The following RABIF variants were observed in gnomAD, a reference collection of about 807,000 sequenced individuals.
The protein encoded by RABIF is guanine nucleotide exchange factor MSS4.
A neutral mutation model predicts 12.3 loss-of-function variants in RABIF; 13 were observed. That is an observed-to-expected ratio of 1.06 (90% CI 0.69 to 1.68). The LOEUF is 1.68. Ranked by LOEUF, RABIF falls within the 40% of genes most tolerant of loss-of-function variation. The probability of loss-of-function intolerance (pLI) is 0.00; values close to 1 mark genes in which losing one functional copy is unlikely to be tolerated. For synonymous variants in RABIF, 70 were observed against 63.3 expected (o/e 1.11, Z -0.50); for missense variants, 153 against 158.0 (o/e 0.97, Z 0.17).
chr1:202,884,781 G>A (rs975283112), intron 1 of RABIF, among the ~76,000 whole-genome samples: 1 of 152,012 alleles, frequency 6.6e-6, no homozygotes, highest in Admixed American at 6.6e-5. Flanking sequence ...CTAAATTCCT[G>A]AGCAAAATAC....
chr1:202,884,192 A>G (rs754847845), intron 1 of RABIF, among the ~76,000 whole-genome samples: 2 of 152,226 alleles, frequency 1.3e-5, no homozygotes, highest in Non-Finnish European at 2.9e-5. Flanking sequence ...CTCTGCTGAT[A>G]TACTACTAAC....
chr1:202,887,024 G>GTTTTTT (rs61356068), intron 1 of RABIF, among the ~76,000 whole-genome samples: 1 of 90,692 alleles, frequency 1.1e-5, no homozygotes, highest in African/African-American at 4.0e-5. Context: ...TGTGGGCTAT[G>GTTTTTT]TTTTGTTTTT....
At chr1:202,888,729 G>A (rs1034802091) in intron 1 of RABIF, among the ~76,000 whole-genome samples, 2 of 152,176 alleles carry the variant, frequency 1.3e-5, no homozygotes, top group Admixed American at 6.5e-5. Context: ...CGGGCTGGCT[G>A]GGCCGGGTGG....
chr1:202,886,064 A>C (rs1463709349), intron 1 of RABIF, among the ~76,000 whole-genome samples: 1 of 151,988 alleles, frequency 6.6e-6, no homozygotes, highest in Non-Finnish European at 1.5e-5. Context: ...TTTCTAGAAT[A>C]GGGACCACTG....
chr1:202,883,752 A>C (rs1041885850), intron 1 of RABIF, among the ~76,000 whole-genome samples: 9 of 152,156 alleles, frequency 5.9e-5, no homozygotes, highest in Non-Finnish European at 4.4e-5. Context: ...CTCTCCTTTG[A>C]TTTGTGATTT....
intron 1 of RABIF, 21 bp downstream of exon 1, chr1:202,888,952 G>C (rs553989520): frequency 6.5e-7 from 1 of 1,530,308 alleles, no homozygotes; most frequent in African/African-American, 1.4e-5. Flanking sequence ...GGTGTAAACG[G>C]CCTCCAACCT....
rs116296554 is a variant in RABIF at position 202,881,360 on chromosome 1, C to T, written c.127-137G>A. 1.9e-3 allele frequency: 2,422 copies of T among 1,284,480 alleles called. 40 individuals carry two copies. In the African/African-American group the frequency reaches 0.033, roughly 17 times the overall value. 79.6% of individuals were successfully genotyped at this position (1,284,480 alleles called of 1,614,324 possible). A position where few individuals can be genotyped will look rare whatever the true frequency, so the allele number is the denominator to read the frequency against. On this transcript the variant is annotated intron_variant, in intron 1 of 1. Coordinates refer to ENST00000367262, the MANE Select transcript of RABIF (RefSeq NM_002871.5). ...AGAAGCCCTCTCATTAAGCTGTAGA[C>T]GATGATGCTGGGTGGCTCTTCTTTG...
At position 202,880,750 on chromosome 1, in the gene RABIF, A is replaced by G; in HGVS notation, c.*228T>C. 4.7e-6 allele frequency: 6 copies of G among 1,279,942 alleles called. No individual in the cohort carries two copies. Among genetic ancestry groups the G allele is most frequent in the Non-Finnish European group, 4.0e-6 (4 of 1,008,018 alleles). 79.3% of individuals were successfully genotyped at this position (1,279,942 alleles called of 1,614,324 possible). A position where few individuals can be genotyped will look rare whatever the true frequency, so the allele number is the denominator to read the frequency against. On this transcript the variant is annotated 3_prime_UTR_variant, in exon 2 of 2. Transcript: ENST00000367262. ...AAGCACAGTGTCCCAAAACTGGGGG[A>G]AAAGGGAGCTTAGGAAATGTGATAC... is the stretch of plus-strand genomic sequence containing the variant.
chr1:202,889,064 G>A lies in RABIF; in HGVS notation c.35C>T (p.Ser12Leu). The change falls in exon 1 of 2, where the codon TCA (serine) becomes TTA (leucine). Residue 12 changes from serine (S) to leucine (L), a missense_variant. Physicochemically the swap from Ser to Leu is moderately radical, Grantham distance 145. Around this residue, in one of 2 missense-constraint regions of RABIF, gnomAD observed 113 missense variants for 90.9 expected, o/e 1.24. Coordinates refer to ENST00000367262, the MANE Select transcript of RABIF (RefSeq NM_002871.5). ...CGCCTTCCGGTTTCGGCCCTCGGCT[G>A]ACACTAACTCGCTCGGCTGCTCCGC... The part of the protein sequence containing the change: ...EPAEQPSELV[S>L]AEGRNRKAVL... The A allele has an allele frequency of 5.6e-6, 9 of 1,611,188 alleles. No homozygotes were observed. The highest frequency in any genetic ancestry group is 7.6e-6 in the Non-Finnish European group (9 of 1,179,028).
In RABIF at chr1:202,889,108, C is replaced by A. The variant is rs767459814; in HGVS notation, c.-10G>T. The A allele has an allele frequency of 1.2e-6, 2 of 1,600,562 alleles. No homozygotes were observed. The highest frequency in any genetic ancestry group is 2.7e-5 in the African/African-American group (2 of 74,510). ...GCTCCGCTGGTTCCATCGCCGCTGC[C>A]GCCACAGGCTCCTCAGCCACGGCTG... is the stretch of plus-strand genomic sequence containing the variant. On this transcript the variant is annotated 5_prime_UTR_variant, in exon 1 of 2. Coordinates refer to ENST00000367262, the MANE Select transcript of RABIF (RefSeq NM_002871.5).
chr1:202,881,140 C>T lies in RABIF; in HGVS notation c.210G>A (p.Leu70=), dbSNP rs770794450. The change falls in exon 2 of 2, where the codon CTG becomes CTA. Residue 70 remains leucine (L), a synonymous_variant. Transcript: ENST00000367262. The stretch of plus-strand genomic sequence containing the variant: ...TCTCAAAAATGAACATGTCCTCAAC[C>T]AGCCAGTGTTCCTGGAGGAGATCGC... ...PDGDLLQEHW[L]VEDMFIFENV... is the part of the protein sequence containing the mutation. The T allele has an allele frequency of 4.2e-5, 68 of 1,614,138 alleles. No individual in the cohort carries two copies. The South Asian group carries it at 6.7e-4, about 16-fold the overall frequency.
At chr1:202,881,913 T>G (rs1659496674) in intron 1 of RABIF, among the ~76,000 whole-genome samples, 1 of 152,238 alleles carries the variant, frequency 6.6e-6, no homozygotes, top group Non-Finnish European at 1.5e-5. Flanking sequence ...AACATAGCCT[T>G]CTCAGGAGGT....
chr1:202,883,962 G>A (rs1181069054), intron 1 of RABIF, among the ~76,000 whole-genome samples: 1 of 152,158 alleles, frequency 6.6e-6, no homozygotes, highest in East Asian at 1.9e-4. Context: ...CTAGGGCCAG[G>A]AGATTAGCTA....
intron 1 of RABIF, among the ~76,000 whole-genome samples, chr1:202,887,484 T>C (rs1238903463): frequency 7.0e-6 from 1 of 143,712 alleles, no homozygotes; most frequent in African/African-American, 2.5e-5. Context: ...CTGCATCTCA[T>C]GGAGGTTAAA....
At chr1:202,886,888 C>A (rs1260716467) in intron 1 of RABIF, among the ~76,000 whole-genome samples, 5 of 151,912 alleles carry the variant, frequency 3.3e-5, no homozygotes, top group Non-Finnish European at 7.4e-5. Context: ...TGCCCACCAA[C>A]ACGCCCAGAT....
chr1:202,879,996 T>A lies in RABIF; in HGVS notation c.*982A>T, dbSNP rs890909062. 1 of 152,198 alleles carries A rather than the reference T, an allele frequency of 6.6e-6. No homozygotes were observed. Among genetic ancestry groups the A allele is most frequent in the Non-Finnish European group, 1.5e-5 (1 of 68,036 alleles). 9.4% of individuals were successfully genotyped at this position (152,198 alleles called of 1,614,324 possible). On this transcript the variant is annotated 3_prime_UTR_variant, in exon 2 of 2. Coordinates refer to ENST00000367262, the MANE Select transcript of RABIF (RefSeq NM_002871.5). ...TTGTATCCATGCATCTGGATGGAAG[T>A]TTGTATCCTGGGTTGGCACAGAGAT...
At chr1:202,886,339 G>A (rs1286138841) in intron 1 of RABIF, among the ~76,000 whole-genome samples, 3 of 134,214 alleles carry the variant, frequency 2.2e-5, no homozygotes, top group Non-Finnish European at 4.8e-5. Context: ...GGAAGGGAGG[G>A]AGGGGAAGGC....
intron 1 of RABIF, among the ~76,000 whole-genome samples, chr1:202,886,454 C>T (rs1329479371): frequency 1.3e-5 from 2 of 151,958 alleles, no homozygotes; most frequent in Non-Finnish European, 2.9e-5. Context: ...GGCATGGTGG[C>T]GTGCACCTGT....
chr1:202,888,629 C>A (rs1436055650), intron 1 of RABIF, among the ~76,000 whole-genome samples: 1 of 152,200 alleles, frequency 6.6e-6, no homozygotes, highest in Non-Finnish European at 1.5e-5. Context: ...CGGAATGGGG[C>A]GCCTCCCTTC....
Sources: gnomAD v4.1 joint callset for allele counts (sites outside exome capture counted in the v4.1 genomes callset) on GRCh38, gnomAD v4.1.1 for gene constraint, gnomAD v4.1.1 regional missense constraint, MANE v1.5 for transcripts, NCBI Gene and HGNC (gene_info 2026-07-23, HGNC 2026-07-21) for gene names.